GPHN: variants seen among roughly 807,000 people sequenced by gnomAD.
The protein encoded by GPHN is gephyrin.
In GPHN, 17 loss-of-function variants were observed where a neutral mutation model predicts 95.5. That is an observed-to-expected ratio of 0.18 (90% CI 0.12 to 0.27). The LOEUF (loss-of-function observed/expected upper bound fraction) is 0.27. GPHN is among the 10% of genes least tolerant of loss of function. GPHN has a pLI of 1.00. For missense variants in GPHN, 660 were observed against 978.1 expected, an observed-to-expected ratio of 0.67 and a Z score of 4.34; for synonymous variants, 320 against 322.5, an observed-to-expected ratio of 0.99 and a Z score of 0.08.
chr14:66,647,079 AT>A (rs11365157), intron 1 of GPHN, among the ~76,000 whole-genome samples: 48,114 of 140,834 alleles, frequency 0.34, 12,207 homozygotes, highest in African/African-American at 0.7. Context: ...TTTTTTTAAT[AT>A]TTTTTTTTAA....
chr14:66,750,999 A>G (rs1489478966), intron 2 of GPHN, among the ~76,000 whole-genome samples: 4 of 151,934 alleles, frequency 2.6e-5, no homozygotes, highest in African/African-American at 9.7e-5. Context: ...GTCTGTATTT[A>G]TAGCATTCTT....
At chr14:66,638,298 G>T (rs2064210674) in intron 1 of GPHN, among the ~76,000 whole-genome samples, 1 of 152,110 alleles carries the variant, frequency 6.6e-6, no homozygotes, top group Non-Finnish European at 1.5e-5. Context: ...GCTGGGCATG[G>T]TGGCACATGC....
intron 2 of GPHN, among the ~76,000 whole-genome samples, chr14:66,726,706 T>C (rs1473055623): frequency 6.6e-6 from 1 of 152,152 alleles, no homozygotes; most frequent in Non-Finnish European, 1.5e-5. Context: ...TTACAAACAA[T>C]TTAAAGATAC....
At chr14:66,671,882 A>G (rs2066323058) in intron 1 of GPHN, among the ~76,000 whole-genome samples, 1 of 152,130 alleles carries the variant, frequency 6.6e-6, no homozygotes, top group Non-Finnish European at 1.5e-5. Context: ...TGATTTTATC[A>G]AAGAATCACC....
In GPHN at chr14:67,112,990, C is replaced by T. The variant is rs771198151; in HGVS notation, c.1473-28C>T. ...GAGAAAATGTTGTTCTCTAATCACA[C>T]TGCTTATGGTTCTGCTTTGACTTTC... On this transcript the variant is annotated intron_variant, in intron 15 of 22. Transcript: ENST00000478722. 3 of 1,610,776 alleles carry T rather than the reference C, an allele frequency of 1.9e-6. No individual in the cohort carries two copies. The South Asian group carries it at 3.3e-5, about 18-fold the overall frequency.
At chr14:67,390,039 A>C in the GPHN span, among the ~76,000 whole-genome samples, 1 of 152,212 alleles carries the variant, frequency 6.6e-6, no homozygotes, top group Non-Finnish European at 1.5e-5. Flanking sequence ...ACAAAAACTA[A>C]TGAAAGTCAT....
At position 66,519,382 on chromosome 14, in the gene GPHN, C is replaced by T. The variant is rs531230774; in HGVS notation, c.64+10791C>T. ...TTTGAATATGTGTATGTGTATCATA[C>T]AATACATCAGAGCTTGCAAATTGAT... is the stretch of plus-strand genomic sequence containing the variant. On this transcript the variant is annotated intron_variant, in intron 1 of 22. Coordinates refer to ENST00000478722, the MANE Select transcript of GPHN (RefSeq NM_020806.5). Among the ~76,000 whole-genome samples the T allele has an allele frequency of 3.9e-5, 6 of 152,036 alleles. No homozygotes were observed. The South Asian group carries it at 1.2e-3, about 32-fold the overall frequency.
At chr14:66,857,631 C>T (rs529405766) in intron 4 of GPHN, among the ~76,000 whole-genome samples, 1 of 152,182 alleles carries the variant, frequency 6.6e-6, no homozygotes, top group Admixed American at 6.5e-5. Flanking sequence ...CAGTCATACC[C>T]CAAACAGGAA....
chr14:67,201,315 T>G, the GPHN span: 5 of 350,924 alleles, frequency 1.4e-5, no homozygotes, highest in Non-Finnish European at 2.8e-5. Context: ...AAATAAATAT[T>G]TTTAAAAAAA....
At chr14:66,945,438 A>G (rs1407086042) in intron 8 of GPHN, among the ~76,000 whole-genome samples, 4 of 152,170 alleles carry the variant, frequency 2.6e-5, no homozygotes. Flanking sequence ...ATACAAAGGC[A>G]TAAGAATTAT....
At chr14:67,171,555 C>T (rs2082600112) in intron 21 of GPHN, among the ~76,000 whole-genome samples, 1 of 152,052 alleles carries the variant, frequency 6.6e-6, no homozygotes, top group South Asian at 2.1e-4. Flanking sequence ...GAGTAACTCC[C>T]ATTAGTATTA....
At chr14:66,741,803 T>C (rs572752914) in intron 2 of GPHN, among the ~76,000 whole-genome samples, 2 of 152,344 alleles carry the variant, frequency 1.3e-5, no homozygotes, top group South Asian at 4.1e-4. Flanking sequence ...TGGCAGCCTC[T>C]GATACAGGGA....
the GPHN span, among the ~76,000 whole-genome samples, chr14:67,582,792 A>C: frequency 6.6e-4 from 100 of 152,334 alleles, no homozygotes; most frequent in Non-Finnish European, 9.8e-4. This position sits in a 1 kb window ranked among gnomAD's most constrained non-coding sequence, Gnocchi z 5.0. Flanking sequence ...AGCCAAGATC[A>C]TGCCATTGCA....
chr14:66,823,860 A>G (rs150920989), intron 3 of GPHN, among the ~76,000 whole-genome samples: 1 of 152,334 alleles, frequency 6.6e-6, no homozygotes, highest in East Asian at 1.9e-4. Context: ...GTAATGAAAC[A>G]ATGTAATACC....
chr14:67,206,605 G>A, the GPHN span, among the ~76,000 whole-genome samples: 1 of 152,128 alleles, frequency 6.6e-6, no homozygotes, highest in Non-Finnish European at 1.5e-5. Context: ...AATGTTAAGT[G>A]AAAAAGGTAG....
chr14:67,058,933 C>T (rs1415389464), intron 11 of GPHN, 147 bp downstream of exon 11: 6 of 769,290 alleles, frequency 7.8e-6, no homozygotes, highest in Non-Finnish European at 1.1e-5. Flanking sequence ...CTTATTTCTA[C>T]TCAATAAGAA....
chr14:67,385,658 CTTTTTTTTT>C, the GPHN span: 2 of 107,648 alleles, frequency 1.9e-5, no homozygotes, highest in Non-Finnish European at 3.7e-5. Flanking sequence ...CCACTTTTTT[CTTTTTTTTT>C]TTTTTTTTTT....
chr14:67,165,024 G>A (rs2082195094), intron 19 of GPHN, 138 bp from the exon 20 acceptor site: 4 of 678,306 alleles, frequency 5.9e-6, no homozygotes, highest in Admixed American at 2.3e-5. Flanking sequence ...ATACTTCAGA[G>A]TATAAAGATG....
intron 11 of GPHN, among the ~76,000 whole-genome samples, chr14:67,087,771 T>C (rs2076968805): frequency 6.6e-6 from 1 of 152,304 alleles, no homozygotes; most frequent in South Asian, 2.1e-4. Flanking sequence ...GACTCACTTA[T>C]CCAGCTCCGG....
Sources: allele counts gnomAD v4.1 joint callset (sites outside exome capture counted in the v4.1 genomes callset), GRCh38; gene constraint gnomAD v4.1.1; non-coding constraint Gnocchi (gnomAD v3.1); transcripts MANE v1.5; gene names NCBI Gene and HGNC (gene_info 2026-07-23, HGNC 2026-07-21).